The following ULK4 variants were observed in gnomAD, a reference collection of about 807,000 sequenced individuals.
ULK4 encodes the protein unc-51 like kinase 4.
Under a neutral mutation model 160.6 loss-of-function variants are expected in ULK4, and 133 were observed. The ratio of observed to expected loss-of-function variants is 0.83; its 90% CI spans 0.72 to 0.96. The LOEUF (loss-of-function observed/expected upper bound fraction) is 0.96. ULK4 is among the 40% of genes least tolerant of loss of function. ULK4 has a pLI of 0.00. For synonymous variants in ULK4, 534 were observed against 539.8 expected (o/e 0.99, Z 0.15); for missense variants, 1,580 against 1,499.5 (o/e 1.05, Z -0.89).
intron 35 of ULK4, among the ~76,000 whole-genome samples, chr3:41,369,495 TAAA>T (rs36119223): frequency 1.4e-5 from 2 of 145,668 alleles, no homozygotes; most frequent in Admixed American, 6.9e-5. Flanking sequence ...ACCCTGTCTT[TAAA>T]AAAAAAAAAA....
Position 41,819,381 on chromosome 3 carries a change from T to C in ULK4, c.1848+42A>G, listed in dbSNP as rs117180866. The C allele has an allele frequency of 1.1e-4, 173 of 1,585,020 alleles. No individual in the cohort carries two copies. The East Asian group carries it at 3.5e-3, about 32-fold the overall frequency. On this transcript the variant is annotated intron_variant, in intron 19 of 36. Coordinates refer to ENST00000301831, the MANE Select transcript of ULK4 (RefSeq NM_017886.4). ...CCTCATACAGTGCCTGAAGGGTTAT[T>C]ACAATTGCCAGCATCTACAGAGGAC...
chr3:41,774,092 A>C (rs147114437), intron 21 of ULK4, among the ~76,000 whole-genome samples: 187 of 152,296 alleles, frequency 1.2e-3, no homozygotes, highest in African/African-American at 4.0e-3. Flanking sequence ...TAAAGACTTA[A>C]ATGTTAGACC....
chr3:41,478,974 G>A (rs1322529893), intron 32 of ULK4, among the ~76,000 whole-genome samples: 1 of 152,236 alleles, frequency 6.6e-6, no homozygotes, highest in East Asian at 1.9e-4. Context: ...CAATGCCCAG[G>A]AAAGTGCTGG....
intron 34 of ULK4, among the ~76,000 whole-genome samples, chr3:41,409,628 T>C (rs1010994631): frequency 2.0e-5 from 3 of 152,170 alleles, no homozygotes; most frequent in African/African-American, 7.2e-5. Flanking sequence ...CAGGAAAAGA[T>C]GCTAAATAGC....
At position 41,895,421 on chromosome 3, in the gene ULK4, T is replaced by C. The variant is rs1188666682; in HGVS notation, c.1577+97A>G. On this transcript the variant is annotated intron_variant, in intron 16 of 36. Coordinates refer to ENST00000301831, the MANE Select transcript of ULK4 (RefSeq NM_017886.4). ...GTCATCATTACATCAGAATAATTTA[T>C]GATAATTATTTAGGACTCTGCTTTT... 3 of 626,180 alleles carry C rather than the reference T, an allele frequency of 4.8e-6. No homozygotes were observed. The Admixed American group carries it at 1.2e-4, about 26-fold the overall frequency. 38.8% of individuals were successfully genotyped at this position (626,180 alleles called of 1,614,324 possible).
intron 21 of ULK4, 119 bp downstream of exon 21, chr3:41,789,542 C>T (rs1442166126): frequency 7.1e-6 from 7 of 982,646 alleles, no homozygotes; most frequent in Admixed American, 3.4e-5. Flanking sequence ...TGGCAAAGTT[C>T]AAAAAGGCCT....
At chr3:41,486,123 G>C (rs910915397) in intron 32 of ULK4, among the ~76,000 whole-genome samples, 1 of 151,956 alleles carries the variant, frequency 6.6e-6, no homozygotes, top group Non-Finnish European at 1.5e-5. Flanking sequence ...AATCAAGCAT[G>C]TGCACGTATC....
At chr3:41,668,087 T>C (rs35366057) in intron 29 of ULK4, among the ~76,000 whole-genome samples, 2 of 152,092 alleles carry the variant, frequency 1.3e-5, no homozygotes, top group Non-Finnish European at 2.9e-5. Context: ...GTGTCTCCAA[T>C]TTTGTTGAGA....
At chr3:41,817,932 C>T (rs990100759) in intron 19 of ULK4, among the ~76,000 whole-genome samples, 1 of 152,004 alleles carries the variant, frequency 6.6e-6, no homozygotes, top group African/African-American at 2.4e-5. Context: ...CCCAACAACA[C>T]TAATCATCAG....
chr3:41,789,711 C>T lies in ULK4; in HGVS notation c.2143G>A (p.Ala715Thr), dbSNP rs17215589. 0.14 allele frequency: 219,782 copies of T among 1,609,866 alleles called. 16,061 individuals carry two copies. Among genetic ancestry groups the T allele is most frequent in the Middle Eastern group, 0.22 (1,335 of 6,054 alleles). The change falls in exon 21 of 37, where the codon GCT (alanine) becomes ACT (threonine). Residue 715 changes from alanine to threonine, a missense_variant. Coordinates refer to ENST00000301831, the MANE Select transcript of ULK4 (RefSeq NM_017886.4). Reference sequence around the variant, plus strand: ...TGAATCCCACAGGACAACATGGCAGCGAATAAGGTCAACATGTACTGCTGA... The same window carrying T: ...TGAATCCCACAGGACAACATGGCAGTGAATAAGGTCAACATGTACTGCTGA... ...KVQQYMLTLF[A>T]AMLSCGIHLQ...
chr3:41,676,408 G>A (rs1310171134), intron 29 of ULK4, among the ~76,000 whole-genome samples: 1 of 152,136 alleles, frequency 6.6e-6, no homozygotes, highest in South Asian at 2.1e-4. Flanking sequence ...ACAGTGTTGA[G>A]AAACCCTGAG....
At chr3:41,420,471 C>CTTTATTTTTTTTTT (rs1339143112) in intron 34 of ULK4, among the ~76,000 whole-genome samples, 1 of 63,248 alleles carries the variant, frequency 1.6e-5, no homozygotes, top group Non-Finnish European at 3.1e-5. Flanking sequence ...TTTTCCAGTT[C>CTTTATTTTTTTTTT]TTTCTTTTTT....
At chr3:41,537,135 TCTATTAGCTC>T (rs2086530529) in intron 32 of ULK4, among the ~76,000 whole-genome samples, 1 of 152,126 alleles carries the variant, frequency 6.6e-6, no homozygotes, top group African/African-American at 2.4e-5. Flanking sequence ...TGGTGTGGTG[TCTATTAGCTC>T]CTGAATCTGT....
intron 35 of ULK4, among the ~76,000 whole-genome samples, chr3:41,304,649 T>C (rs1424572944): frequency 9.9e-5 from 15 of 152,206 alleles, no homozygotes; most frequent in Non-Finnish European, 4.4e-5. Flanking sequence ...CAATCACCAC[T>C]ACTGCTATAA....
chr3:41,775,771 C>T (rs17281182), intron 21 of ULK4, among the ~76,000 whole-genome samples: 19,103 of 150,584 alleles, frequency 0.13, 1,675 homozygotes, highest in Middle Eastern at 0.27. Flanking sequence ...GTTATTATAT[C>T]GCCCATATCC....
At chr3:41,841,748 T>C (rs2041933874) in intron 17 of ULK4, among the ~76,000 whole-genome samples, 1 of 152,128 alleles carries the variant, frequency 6.6e-6, no homozygotes, top group Non-Finnish European at 1.5e-5. Flanking sequence ...ACTGTGTCTG[T>C]GTAGAAAGAA....
intron 35 of ULK4, among the ~76,000 whole-genome samples, chr3:41,327,810 G>A (rs1029011159): frequency 2.0e-5 from 3 of 152,192 alleles, no homozygotes; most frequent in Non-Finnish European, 4.4e-5. Flanking sequence ...ATATAAAGAG[G>A]TACAACATTC....
intron 34 of ULK4, among the ~76,000 whole-genome samples, chr3:41,400,596 C>T (rs2082158940): frequency 6.6e-6 from 1 of 152,102 alleles, no homozygotes; most frequent in Admixed American, 6.6e-5. Context: ...GTGAGTTGTT[C>T]CCAATTTGGA....
chr3:41,807,881 A>G (rs746524738), intron 19 of ULK4, among the ~76,000 whole-genome samples: 1 of 152,112 alleles, frequency 6.6e-6, no homozygotes, highest in Non-Finnish European at 1.5e-5. Flanking sequence ...TATTCACTCT[A>G]CTTGGTGAAA....
Sources: gnomAD v4.1 joint callset for allele counts (sites outside exome capture counted in the v4.1 genomes callset) on GRCh38, gnomAD v4.1.1 for gene constraint, MANE v1.5 for transcripts, NCBI Gene and HGNC (gene_info 2026-07-23, HGNC 2026-07-21) for gene names.